The following MCF2L variants were observed in gnomAD, a reference collection of about 807,000 sequenced individuals.
The protein encoded by MCF2L is MCF.2 cell line derived transforming sequence like.
MCF2L carries 97 observed loss-of-function variants against 153.4 expected under a neutral mutation model. The observed-to-expected ratio is 0.63, with a 90% CI of 0.54 to 0.75. The LOEUF is 0.75. MCF2L is among the 30% of genes least tolerant of loss of function. The probability of loss-of-function intolerance (pLI) is 0.00; values close to 1 mark genes in which losing one functional copy is unlikely to be tolerated. For missense variants in MCF2L, 1,347 were observed against 1,495.2 expected (o/e 0.90, Z 1.64); for synonymous variants, 659 against 632.2 (o/e 1.04, Z -0.64).
At chr13:112,988,144 G>A (rs1363539643) in intron 1 of MCF2L, among the ~76,000 whole-genome samples, 3 of 152,084 alleles carry the variant, frequency 2.0e-5, no homozygotes, top group Non-Finnish European at 4.4e-5. Flanking sequence ...GGAAGTCGAC[G>A]GCATCTGTGG....
chr13:112,989,683 A>G (rs1248337768), intron 1 of MCF2L, among the ~76,000 whole-genome samples: 2 of 70,292 alleles, frequency 2.8e-5, no homozygotes, highest in African/African-American at 1.1e-4. Flanking sequence ...CCTGAGCAGG[A>G]CATGGAGCTA....
intron 17 of MCF2L, 96 bp from the exon 18 acceptor site, chr13:113,083,902 C>A: frequency 1.1e-6 from 1 of 898,088 alleles, no homozygotes; most frequent in Admixed American, 1.7e-5. Context: ...CAGAGCAAGG[C>A]GTAACAGGCT....
intron 22 of MCF2L, 66 bp downstream of exon 22, chr13:113,087,522 C>T: frequency 2.1e-6 from 3 of 1,397,882 alleles, no homozygotes; most frequent in South Asian, 2.7e-5. Flanking sequence ...AAGTCTGTAA[C>T]TCGGTCTGAG....
intron 4 of MCF2L, among the ~76,000 whole-genome samples, chr13:113,059,433 G>A (rs747951501): frequency 1.8e-4 from 27 of 152,200 alleles, no homozygotes; most frequent in Middle Eastern, 3.2e-3. Flanking sequence ...TATTCCTTTC[G>A]GGCTTTAGGG....
At chr13:113,059,878 AAC>A (rs983745544) in intron 4 of MCF2L, among the ~76,000 whole-genome samples, 5 of 152,214 alleles carry the variant, frequency 3.3e-5, no homozygotes, top group African/African-American at 4.8e-5. Context: ...TTTTGTAGGT[AAC>A]ACACACATGT....
chr13:112,904,633 C>T lies in MCF2L; in HGVS notation c.169+2262C>T, dbSNP rs1285029826. Among the ~76,000 whole-genome samples, 3 of 152,270 alleles carry T rather than the reference C, an allele frequency of 2.0e-5. No individual in the cohort carries two copies. The highest frequency in any genetic ancestry group is 7.2e-5 in the African/African-American group (3 of 41,478). On this transcript the variant is annotated intron_variant, in intron 2 of 29. Transcript: ENST00000375608. The surrounding 1 kb of genome is among the most constrained non-coding windows in gnomAD (Gnocchi z 4.2). ...GCCCTTTAGGCAGCTTCCCTCCAAC[C>T]CTGGACTCCAGGGGATTGGAAGATA...
At chr13:112,917,015 C>A in intron 2 of MCF2L, 1 of 465,260 alleles carries the variant, frequency 2.1e-6, no homozygotes. Flanking sequence ...AGTCATCCTC[C>A]CTCATCGCCA....
At chr13:112,919,979 G>A (rs2081336437) in intron 2 of MCF2L, among the ~76,000 whole-genome samples, 1 of 152,156 alleles carries the variant, frequency 6.6e-6, no homozygotes, top group African/African-American at 2.4e-5. Context: ...TGGTAGCGAG[G>A]CACCCCTCCT....
In MCF2L at chr13:113,081,363, G is replaced by A. The variant is rs1408224383; in HGVS notation, c.1875+84G>A. ...GGGCTTCCTCTGACAACTGCTGCTC[G>A]GAGCAGCCTGCTGTCCACCAAATGC... On this transcript the variant is annotated intron_variant, in intron 16 of 29. Coordinates refer to ENST00000535094, the MANE Select transcript of MCF2L (RefSeq NM_001112732.3). 20 of 1,310,238 alleles carry A rather than the reference G, an allele frequency of 1.5e-5. No individual in the cohort carries two copies. In the Admixed American group the frequency reaches 1.9e-4, roughly 12 times the overall value. 81.2% of individuals were successfully genotyped at this position (1,310,238 alleles called of 1,614,324 possible).
At chr13:112,917,942 C>G (rs2081312345) in intron 2 of MCF2L, among the ~76,000 whole-genome samples, 1 of 152,226 alleles carries the variant, frequency 6.6e-6, no homozygotes, top group South Asian at 2.1e-4. Context: ...TTTCAGGACA[C>G]CTTCAGGGCT....
intron 2 of MCF2L, among the ~76,000 whole-genome samples, chr13:112,947,634 C>T (rs952234389): frequency 4.6e-5 from 7 of 152,250 alleles, no homozygotes; most frequent in East Asian, 1.9e-4. Flanking sequence ...GAATCATCTT[C>T]GACTCCATGC....
intron 1 of MCF2L, among the ~76,000 whole-genome samples, chr13:113,003,928 C>G (rs998183309): frequency 6.6e-6 from 1 of 152,142 alleles, no homozygotes; most frequent in Non-Finnish European, 1.5e-5. Flanking sequence ...CCAGAGGGTG[C>G]CAGTTGGGGG....
At chr13:112,897,487 A>C (rs1198506482) in intron 1 of MCF2L, among the ~76,000 whole-genome samples, 2 of 152,180 alleles carry the variant, frequency 1.3e-5, no homozygotes, top group Non-Finnish European at 2.9e-5. Context: ...TGATGGCTCA[A>C]GCGGCCATTG....
At chr13:113,065,466 G>A (rs1386491568) in intron 7 of MCF2L, among the ~76,000 whole-genome samples, 1 of 152,268 alleles carries the variant, frequency 6.6e-6, no homozygotes, top group East Asian at 1.9e-4. Context: ...TTCTGAGTGT[G>A]ACCGAGACAG....
At chr13:113,069,745 A>T (rs1053009091) in intron 8 of MCF2L, among the ~76,000 whole-genome samples, 1 of 152,250 alleles carries the variant, frequency 6.6e-6, no homozygotes, top group East Asian at 1.9e-4. Flanking sequence ...TTTTAAAAAA[A>T]GTTTTTAAAC....
At chr13:112,931,025 A>C (rs578126281) in intron 2 of MCF2L, among the ~76,000 whole-genome samples, 1 of 152,338 alleles carries the variant, frequency 6.6e-6, no homozygotes, top group South Asian at 2.1e-4. Flanking sequence ...AGCCAGCTTT[A>C]CTGGAGCGTG....
chr13:113,089,005 G>A (rs1595011952), intron 25 of MCF2L, among the ~76,000 whole-genome samples: 1 of 152,338 alleles, frequency 6.6e-6, no homozygotes. Flanking sequence ...CCGTGGCTTC[G>A]TCGTGTCTCT....
rs1232830026 is a variant in MCF2L, at chr13:113,053,331, G to A, written c.370-7262G>A. Among the ~76,000 whole-genome samples, 1 of 152,210 alleles carries A rather than the reference G, an allele frequency of 6.6e-6. No homozygotes were observed. The highest frequency in any genetic ancestry group is 1.5e-5 in the Non-Finnish European group (1 of 68,032). On this transcript the variant is annotated intron_variant, in intron 4 of 29. Transcript: ENST00000535094. The surrounding 1 kb of genome is among the most constrained non-coding windows in gnomAD (Gnocchi z 4.4). ...GTTGTTGGTTTTTGTTTTGCTTTCT[G>A]TCTTTTGTGAGATTGAGATTTGCGA... is the stretch of plus-strand genomic sequence containing the variant.
At chr13:113,048,734 G>T (rs773478790) in intron 4 of MCF2L, among the ~76,000 whole-genome samples, 2 of 152,178 alleles carry the variant, frequency 1.3e-5, no homozygotes, top group Non-Finnish European at 2.9e-5. Context: ...GAGCCACCGC[G>T]CCCGGCTTAT....
Sources: allele counts gnomAD v4.1 joint callset (sites outside exome capture counted in the v4.1 genomes callset), GRCh38; gene constraint gnomAD v4.1.1; non-coding constraint Gnocchi (gnomAD v3.1); transcripts MANE v1.5; gene names NCBI Gene and HGNC (gene_info 2026-07-23, HGNC 2026-07-21).